SLC17A6: variants seen among roughly 807,000 people sequenced by gnomAD.
SLC17A6 encodes vesicular glutamate transporter 2.
SLC17A6 carries 35 observed loss-of-function variants against 67.1 expected under a neutral mutation model. That is an observed-to-expected ratio of 0.52 (90% CI 0.40 to 0.69). The LOEUF is 0.69. SLC17A6 is among the 30% of genes least tolerant of loss of function. The pLI is 0.00. For missense variants in SLC17A6, 588 were observed against 723.9 expected (o/e 0.81, Z 2.15); for synonymous variants, 285 against 252.3 (o/e 1.13, Z -1.23).
rs138278858 is a variant in SLC17A6, at chr11:22,341,629, C to A, written c.188C>A (p.Thr63Lys). ...AGGAAGGCGCCGCTGTGCGACTGCACGTGCTTCGGCCTGCCCCGCCGCTAC... is the reference window on the plus strand; with the variant it reads ...AGGAAGGCGCCGCTGTGCGACTGCAAGTGCTTCGGCCTGCCCCGCCGCTAC... ...PERKAPLCDC[T>K]CFGLPRRYII... is the part of the protein sequence containing the mutation. The change falls in exon 2 of 12, where the codon ACG becomes AAG. Residue 63 changes from threonine (T) to lysine (K), a missense_variant. Thr to Lys is a moderately conservative substitution (Grantham distance 78). This residue lies in a region of SLC17A6 where 117 missense variants were observed against 98.7 expected (regional missense o/e 1.19). Transcript: ENST00000263160. The A allele has an allele frequency of 5.6e-6, 9 of 1,613,828 alleles. No homozygotes were observed. Among genetic ancestry groups the A allele is most frequent in the South Asian group, 5.5e-5 (5 of 91,088 alleles).
intron 6 of SLC17A6, among the ~76,000 whole-genome samples, chr11:22,363,233 G>T (rs544202661): frequency 2.0e-5 from 3 of 146,812 alleles, no homozygotes; most frequent in Admixed American, 6.8e-5. Flanking sequence ...AAGCTGAAAG[G>T]GGGGGTGGAA....
intron 3 of SLC17A6, among the ~76,000 whole-genome samples, chr11:22,357,346 A>G (rs905300117): frequency 6.6e-6 from 1 of 152,224 alleles, no homozygotes; most frequent in Non-Finnish European, 1.5e-5. Flanking sequence ...AGCTCTGACT[A>G]TAGTGTACAT....
intron 2 of SLC17A6, chr11:22,342,857 G>T (rs140410058): frequency 1.8e-5 from 8 of 438,376 alleles, no homozygotes; most frequent in Admixed American, 2.6e-5. Flanking sequence ...CTACACTACT[G>T]TGTCTGCATT....
At position 22,360,950 on chromosome 11, in the gene SLC17A6, A is replaced by G. The variant is rs776302054; in HGVS notation, c.627A>G (p.Leu209=). ...HGIWSKWAPP[L]ERSRLATTSF... is the part of the protein sequence containing the mutation. ...TATGGAGCAAATGGGCCCCACCTCT[A>G]GAGAGGAGTAGACTGGCAACCACCT... The change falls in exon 5 of 12, where the codon CTA becomes CTG. Residue 209 remains leucine (L), a synonymous_variant. Transcript: ENST00000263160. 9 of 1,614,006 alleles carry G rather than the reference A, an allele frequency of 5.6e-6. No individual in the cohort carries two copies. The South Asian group carries it at 8.8e-5, about 16-fold the overall frequency.
intron 7 of SLC17A6, among the ~76,000 whole-genome samples, chr11:22,368,987 A>T (rs982055039): frequency 2.0e-5 from 3 of 152,054 alleles, no homozygotes; most frequent in Non-Finnish European, 4.4e-5. Context: ...GCTTAATTAC[A>T]GCCACAACCA....
At chr11:22,365,955 A>G (rs111868631) in intron 7 of SLC17A6, among the ~76,000 whole-genome samples, 1 of 152,298 alleles carries the variant, frequency 6.6e-6, no homozygotes, top group African/African-American at 2.4e-5. Flanking sequence ...CAATATTTTT[A>G]AACAGTTCAA....
chr11:22,367,914 G>C (rs1856130804), intron 7 of SLC17A6, among the ~76,000 whole-genome samples: 1 of 152,110 alleles, frequency 6.6e-6, no homozygotes, highest in Non-Finnish European at 1.5e-5. Context: ...TGTGGGAATA[G>C]AACTTGCATT....
intron 1 of SLC17A6, 36 bp from the exon 2 acceptor site, chr11:22,341,492 G>C: frequency 1.2e-6 from 2 of 1,600,686 alleles, no homozygotes; most frequent in Non-Finnish European, 1.7e-6. Flanking sequence ...TACCTAAGCC[G>C]CCAAGTCCTT....
At position 22,377,892 on chromosome 11, in the gene SLC17A6, C is replaced by G; in HGVS notation, c.*152C>G. The G allele has an allele frequency of 1.6e-6, 1 of 606,956 alleles. No individual in the cohort carries two copies. Among genetic ancestry groups the G allele is most frequent in the Non-Finnish European group, 2.8e-6 (1 of 353,566 alleles). 37.6% of individuals were successfully genotyped at this position (606,956 alleles called of 1,614,324 possible). On this transcript the variant is annotated 3_prime_UTR_variant, in exon 12 of 12. Transcript: ENST00000263160. ...AAAACAAAACAAACCCATGAGGTTA[C>G]CATCAAGTGCAATCTGTAAAATTGT...
chr11:22,361,795 G>A (rs1033142241), intron 5 of SLC17A6, among the ~76,000 whole-genome samples: 19 of 152,096 alleles, frequency 1.2e-4, no homozygotes, highest in African/African-American at 4.3e-4. Flanking sequence ...CAGAATGCAC[G>A]TTTTACTCTT....
intron 3 of SLC17A6, among the ~76,000 whole-genome samples, chr11:22,351,083 A>G (rs1855932442): frequency 6.6e-6 from 1 of 152,128 alleles, no homozygotes; most frequent in Non-Finnish European, 1.5e-5. Flanking sequence ...GAATATATAA[A>G]TTATATTATA....
chr11:22,351,859 A>C (rs1397150127), intron 3 of SLC17A6, among the ~76,000 whole-genome samples: 1 of 152,188 alleles, frequency 6.6e-6, no homozygotes. Flanking sequence ...TATAAGTGTC[A>C]AAGTTAAGAG....
intron 3 of SLC17A6, among the ~76,000 whole-genome samples, chr11:22,343,906 G>A (rs1307438203): frequency 6.6e-6 from 1 of 152,116 alleles, no homozygotes; most frequent in African/African-American, 2.4e-5. Flanking sequence ...AATGAGCTGC[G>A]TAGGGGCGGG....
At chr11:22,364,794 A>T (rs2133872286) in intron 6 of SLC17A6, among the ~76,000 whole-genome samples, 1 of 152,290 alleles carries the variant, frequency 6.6e-6, no homozygotes, top group South Asian at 2.1e-4. Context: ...ATGCTTACAG[A>T]TTTATATCGC....
intron 1 of SLC17A6, among the ~76,000 whole-genome samples, chr11:22,339,645 T>A (rs1002755959): frequency 6.6e-6 from 1 of 152,174 alleles, no homozygotes; most frequent in African/African-American, 2.4e-5. Context: ...GGAGCACTAA[T>A]TTTAATATTT....
chr11:22,339,016 A>G (rs1855770470), intron 1 of SLC17A6, among the ~76,000 whole-genome samples: 1 of 144,624 alleles, frequency 6.9e-6, no homozygotes, highest in Non-Finnish European at 1.5e-5. Context: ...AATATAAAAC[A>G]CAACCATCTA....
intron 6 of SLC17A6, among the ~76,000 whole-genome samples, chr11:22,364,162 A>G (rs1856082346): frequency 6.6e-6 from 1 of 152,160 alleles, no homozygotes; most frequent in African/African-American, 2.4e-5. Flanking sequence ...TCACACATTC[A>G]GTTTTCGCAT....
At chr11:22,339,181 T>A (rs867580915) in intron 1 of SLC17A6, among the ~76,000 whole-genome samples, 6,643 of 82,168 alleles carry the variant, frequency 0.081, 1,091 homozygotes, top group Middle Eastern at 0.13. Context: ...TATATATGTT[T>A]TATATATATA....
intron 2 of SLC17A6, 176 bp from the exon 3 acceptor site, chr11:22,343,071 G>A: frequency 1.5e-6 from 1 of 689,220 alleles, no homozygotes; most frequent in Non-Finnish European, 2.6e-6. Context: ...TAATGAGCAG[G>A]GTTTTTTCGT....
Sources: allele counts gnomAD v4.1 joint callset (sites outside exome capture counted in the v4.1 genomes callset), GRCh38; gene constraint gnomAD v4.1.1; regional missense constraint gnomAD v4.1.1; transcripts MANE v1.5; gene names NCBI Gene and HGNC (gene_info 2026-07-23, HGNC 2026-07-21).